STK32B: variants seen among roughly 807,000 people sequenced by gnomAD.
STK32B encodes the protein serine/threonine-protein kinase 32B.
In STK32B, 43 loss-of-function variants were observed where a neutral mutation model predicts 52.6. The observed-to-expected ratio is 0.82, with a 90% CI of 0.64 to 1.05. The LOEUF (loss-of-function observed/expected upper bound fraction) is 1.05. STK32B is among the 50% of genes least tolerant of loss of function. STK32B has a pLI of 0.00. For missense variants in STK32B, 621 were observed against 534.6 expected, an observed-to-expected ratio of 1.16 and a Z score of -1.59; for synonymous variants, 238 against 204.3, an observed-to-expected ratio of 1.17 and a Z score of -1.41.
chr4:5,269,196 C>T (rs973738462), intron 3 of STK32B, among the ~76,000 whole-genome samples: 7 of 152,012 alleles, frequency 4.6e-5, no homozygotes, highest in African/African-American at 1.4e-4. Flanking sequence ...TGGATGTGTG[C>T]GAGGACCATC....
In STK32B at chr4:5,205,595, TC is replaced by T. The variant is rs1285029001; in HGVS notation, c.260+37146del. On this transcript the variant is annotated intron_variant, in intron 3 of 11. Transcript: ENST00000282908. The stretch of plus-strand genomic sequence containing the variant: ...TGGCTGTGGCAGATACGGTTTTCCA[TC>T]TTGGTTGAGCTGTAATTTCAGAGAT... 2.0e-5 allele frequency among the ~76,000 whole-genome samples: 3 copies of T among 152,246 alleles called. No individual in the cohort carries two copies. The East Asian group carries it at 5.8e-4, about 30-fold the overall frequency.
At chr4:5,129,997 C>T (rs1715650490) in intron 1 of STK32B, among the ~76,000 whole-genome samples, 1 of 152,026 alleles carries the variant, frequency 6.6e-6, no homozygotes, top group South Asian at 2.1e-4. Context: ...GAGTTGACAT[C>T]CCAAAGGAGA....
chr4:5,449,349 A>C (rs746104953), intron 7 of STK32B, among the ~76,000 whole-genome samples: 1 of 152,152 alleles, frequency 6.6e-6, no homozygotes, highest in African/African-American at 2.4e-5. Context: ...TGTCTCACAT[A>C]AAAAGGTTAT....
rs187891345 is a variant in STK32B at position 5,191,470 on chromosome 4, G to C, written c.260+23020G>C. Among the ~76,000 whole-genome samples, 8 of 152,170 alleles carry C rather than the reference G, an allele frequency of 5.3e-5. No homozygotes were observed. In the East Asian group the frequency reaches 1.5e-3, roughly 29 times the overall value. ...AGGGTTTCACCATGCTAGCCAGGAT[G>C]GTCTCAATCTCCTGACCTCGTGATC... On this transcript the variant is annotated intron_variant, in intron 3 of 11. Transcript: ENST00000282908.
intron 3 of STK32B, among the ~76,000 whole-genome samples, chr4:5,298,191 C>G (rs1444242807): frequency 6.6e-6 from 1 of 152,200 alleles, no homozygotes; most frequent in African/African-American, 2.4e-5. Flanking sequence ...CAGATGTCAG[C>G]TGGAGCTCTC....
At chr4:5,409,533 GA>G (rs1737885155) in intron 5 of STK32B, among the ~76,000 whole-genome samples, 1 of 152,162 alleles carries the variant, frequency 6.6e-6, no homozygotes, top group South Asian at 2.1e-4. Context: ...TGGACATAGA[GA>G]AATGGTGGAA....
At chr4:5,191,499 C>T (rs559094565) in intron 3 of STK32B, among the ~76,000 whole-genome samples, 1 of 152,146 alleles carries the variant, frequency 6.6e-6, no homozygotes, top group East Asian at 1.9e-4. Flanking sequence ...CGTGATCTGC[C>T]CACCTCGGCA....
intron 11 of STK32B, among the ~76,000 whole-genome samples, chr4:5,491,048 C>G (rs1235369665): frequency 2.0e-5 from 3 of 152,178 alleles, no homozygotes; most frequent in Non-Finnish European, 4.4e-5. Flanking sequence ...GTGCATGTGT[C>G]TTTATAGCAG....
intron 4 of STK32B, among the ~76,000 whole-genome samples, chr4:5,352,960 A>C (rs1230366497): frequency 6.6e-6 from 1 of 152,148 alleles, no homozygotes; most frequent in African/African-American, 2.4e-5. Flanking sequence ...ACGCAATCCT[A>C]AGCATAAAGG....
chr4:5,225,349 G>A (rs941166965), intron 3 of STK32B, among the ~76,000 whole-genome samples: 2 of 152,112 alleles, frequency 1.3e-5, no homozygotes, highest in Non-Finnish European at 2.9e-5. Flanking sequence ...GGAGGTTGCT[G>A]TGAGCCGAGA....
At chr4:5,473,881 G>A (rs927294893) in intron 11 of STK32B, among the ~76,000 whole-genome samples, 21 of 152,228 alleles carry the variant, frequency 1.4e-4, no homozygotes, top group African/African-American at 5.1e-4. Flanking sequence ...TTGGGAGGCC[G>A]AGGCAGGTGG....
chr4:5,247,796 T>G (rs1486156475), intron 3 of STK32B, among the ~76,000 whole-genome samples: 1 of 152,206 alleles, frequency 6.6e-6, no homozygotes, highest in African/African-American at 2.4e-5. Context: ...TTTTCTTTTG[T>G]GTCTTCTTTT....
chr4:5,073,482 T>C (rs1487565889), intron 1 of STK32B, among the ~76,000 whole-genome samples: 2 of 152,004 alleles, frequency 1.3e-5, no homozygotes, highest in East Asian at 1.9e-4. Flanking sequence ...ACTCATGGTA[T>C]GTGTTATTAT....
intron 11 of STK32B, among the ~76,000 whole-genome samples, chr4:5,491,747 A>T (rs931784323): frequency 6.6e-6 from 1 of 151,722 alleles, no homozygotes; most frequent in African/African-American, 2.4e-5. Flanking sequence ...CCTTGAATTA[A>T]TTTTTGTATA....
chr4:5,354,068 T>C (rs926007501), intron 4 of STK32B, among the ~76,000 whole-genome samples: 1 of 152,260 alleles, frequency 6.6e-6, no homozygotes, highest in African/African-American at 2.4e-5. Flanking sequence ...CAGAATGAAA[T>C]CATGTCATTT....
At chr4:5,064,828 TATATA>T (rs1742354975) in intron 1 of STK32B, among the ~76,000 whole-genome samples, 1 of 141,406 alleles carries the variant, frequency 7.1e-6, no homozygotes, top group Non-Finnish European at 1.5e-5. Flanking sequence ...AATATATAAA[TATATA>T]ATATATAAAT....
intron 2 of STK32B, among the ~76,000 whole-genome samples, chr4:5,164,221 G>C (rs1560189958): frequency 6.6e-6 from 1 of 152,172 alleles, no homozygotes; most frequent in Non-Finnish European, 1.5e-5. Flanking sequence ...ATTCCTTCTA[G>C]AGGCTCTGAA....
At chr4:5,274,246 C>T (rs1478148144) in intron 3 of STK32B, among the ~76,000 whole-genome samples, 1 of 152,122 alleles carries the variant, frequency 6.6e-6, no homozygotes, top group African/African-American at 2.4e-5. Flanking sequence ...TATAAATACA[C>T]AGTAATCAAG....
At chr4:5,440,713 C>T (rs899888406) in intron 6 of STK32B, among the ~76,000 whole-genome samples, 7 of 152,254 alleles carry the variant, frequency 4.6e-5, no homozygotes, top group Admixed American at 2.6e-4. Flanking sequence ...CCAGTTTTTG[C>T]CCATTCAGTA....
Sources: allele counts gnomAD v4.1 joint callset (sites outside exome capture counted in the v4.1 genomes callset), GRCh38; gene constraint gnomAD v4.1.1; transcripts MANE v1.5; gene names NCBI Gene and HGNC (gene_info 2026-07-23, HGNC 2026-07-21).